SLC35D4: variants seen among roughly 807,000 people sequenced by gnomAD.
SLC35D4 encodes solute carrier family 35 member D4.
At chr18:23,254,921 G>T in the SLC35D4 span, among the ~76,000 whole-genome samples, 2 of 152,212 alleles carry the variant, frequency 1.3e-5, no homozygotes, top group African/African-American at 4.8e-5. Flanking sequence ...CCATGCTGTG[G>T]GGGCTGTGTA....
chr18:23,297,784 G>A, the SLC35D4 span: 1 of 523,024 alleles, frequency 1.9e-6, no homozygotes, highest in African/African-American at 1.9e-5. Flanking sequence ...GTGACCTGCA[G>A]ACCCCCAGAA....
At chr18:23,252,493 G>A in the SLC35D4 span, among the ~76,000 whole-genome samples, 1 of 152,224 alleles carries the variant, frequency 6.6e-6, no homozygotes, top group Non-Finnish European at 1.5e-5. Context: ...AAAGCTGCGT[G>A]AAGTAGGCAC....
chr18:23,318,173 A>G, the SLC35D4 span, among the ~76,000 whole-genome samples: 2 of 152,130 alleles, frequency 1.3e-5, no homozygotes, highest in African/African-American at 4.8e-5. Context: ...TTTGGTTTGT[A>G]TTTCCCTGAT....
At chr18:23,310,753 C>T in the SLC35D4 span, among the ~76,000 whole-genome samples, 2 of 152,116 alleles carry the variant, frequency 1.3e-5, no homozygotes, top group Admixed American at 6.5e-5. Context: ...CTCATCGTCA[C>T]GCATTACCAT....
the SLC35D4 span, among the ~76,000 whole-genome samples, chr18:23,247,663 T>C: frequency 2.0e-5 from 3 of 152,196 alleles, no homozygotes; most frequent in African/African-American, 7.2e-5. Flanking sequence ...CCGGGCACCA[T>C]GTGTCAGAGC....
chr18:23,260,878 G>C, the SLC35D4 span, among the ~76,000 whole-genome samples: 1 of 152,126 alleles, frequency 6.6e-6, no homozygotes, highest in Non-Finnish European at 1.5e-5. Flanking sequence ...TCATGCAGCT[G>C]CAAAGCAAAG....
At chr18:23,360,373 C>T in the SLC35D4 span, among the ~76,000 whole-genome samples, 1 of 152,210 alleles carries the variant, frequency 6.6e-6, no homozygotes, top group Admixed American at 6.5e-5. Context: ...AAGCTGGGAA[C>T]AGCCCAGGTG....
chr18:23,295,138 T>C, the SLC35D4 span, among the ~76,000 whole-genome samples: 2 of 151,442 alleles, frequency 1.3e-5, no homozygotes, highest in Admixed American at 6.6e-5. Context: ...TCTAGAAAGT[T>C]TGACATCCTA....
At chr18:23,376,066 G>A in the SLC35D4 span, among the ~76,000 whole-genome samples, 1 of 152,122 alleles carries the variant, frequency 6.6e-6, no homozygotes, top group Admixed American at 6.6e-5. Context: ...TATTCCATCA[G>A]GCAGCAAACA....
At chr18:23,301,317 AT>A in the SLC35D4 span, among the ~76,000 whole-genome samples, 1 of 152,160 alleles carries the variant, frequency 6.6e-6, no homozygotes, top group African/African-American at 2.4e-5. Context: ...CAGATTTTTA[AT>A]TCAAATGGAG....
chr18:23,436,106 C>T, the SLC35D4 span, among the ~76,000 whole-genome samples: 11 of 145,918 alleles, frequency 7.5e-5, no homozygotes, highest in South Asian at 2.2e-4. Flanking sequence ...CGGCTCACTA[C>T]AACCTCCGCC....
chr18:23,322,377 C>T, the SLC35D4 span, among the ~76,000 whole-genome samples: 1 of 152,160 alleles, frequency 6.6e-6, no homozygotes, highest in Non-Finnish European at 1.5e-5. Context: ...GTTTATATCC[C>T]GAGAAAGGAG....
At chr18:23,266,760 T>C in the SLC35D4 span, among the ~76,000 whole-genome samples, 3 of 152,264 alleles carry the variant, frequency 2.0e-5, no homozygotes, top group Admixed American at 6.5e-5. Flanking sequence ...TCTCCAGTGA[T>C]GACAAGGTCG....
chr18:23,275,047 AGT>A, the SLC35D4 span, among the ~76,000 whole-genome samples: 14 of 30,142 alleles, frequency 4.6e-4, no homozygotes, highest in Non-Finnish European at 7.7e-4. Context: ...TTTGTGTGTG[AGT>A]GTGTTTGTGT....
the SLC35D4 span, among the ~76,000 whole-genome samples, chr18:23,254,311 C>A: frequency 4.6e-5 from 7 of 152,354 alleles, no homozygotes; most frequent in Non-Finnish European, 7.3e-5. Flanking sequence ...TGGCTTCCTA[C>A]TTCCTTAGCT....
At chr18:23,269,556 T>G in the SLC35D4 span, among the ~76,000 whole-genome samples, 1 of 152,180 alleles carries the variant, frequency 6.6e-6, no homozygotes, top group Non-Finnish European at 1.5e-5. Flanking sequence ...CCGAAAAATG[T>G]GGAAGCAATT....
the SLC35D4 span, among the ~76,000 whole-genome samples, chr18:23,341,221 G>C: frequency 5.9e-5 from 9 of 152,198 alleles, no homozygotes; most frequent in African/African-American, 1.7e-4. Context: ...AATACTTTTG[G>C]CTTCTTAAAT....
At chr18:23,309,536 G>T in the SLC35D4 span, 9 of 649,240 alleles carry the variant, frequency 1.4e-5, no homozygotes, top group Admixed American at 2.8e-5. Flanking sequence ...TTTAAAGAAA[G>T]CTTCGCTAAT....
At chr18:23,346,006 C>T in the SLC35D4 span, among the ~76,000 whole-genome samples, 2 of 152,034 alleles carry the variant, frequency 1.3e-5, 1 homozygote, top group South Asian at 4.2e-4. Context: ...TGCACTGGCT[C>T]ATACCCATAA....
Sources: gnomAD v4.1 joint callset for allele counts (sites outside exome capture counted in the v4.1 genomes callset) on GRCh38, gnomAD v4.1.1 for gene constraint, MANE v1.5 for transcripts, NCBI Gene and HGNC (gene_info 2026-07-23, HGNC 2026-07-21) for gene names.